The following TNFSF4 variants were observed in gnomAD, a reference collection of about 807,000 sequenced individuals.
TNFSF4 encodes the protein TNF superfamily member 4, also known as tumor necrosis factor ligand superfamily member 4.
In TNFSF4, 4 loss-of-function variants were observed where a neutral mutation model predicts 7.3. That is an observed-to-expected ratio of 0.55 (90% CI 0.27 to 1.25). The LOEUF (loss-of-function observed/expected upper bound fraction) is 1.25. TNFSF4 is among the 50% of genes most tolerant of loss of function. The pLI is 0.12. For missense variants in TNFSF4, 181 were observed against 208.8 expected, an observed-to-expected ratio of 0.87 and a Z score of 0.82; for synonymous variants, 76 against 83.7, an observed-to-expected ratio of 0.91 and a Z score of 0.50.
chr1:173,372,180 T>C, the TNFSF4 span, among the ~76,000 whole-genome samples: 2 of 152,226 alleles, frequency 1.3e-5, no homozygotes, highest in Non-Finnish European at 2.9e-5. Context: ...CAGCAAAGAA[T>C]GAAGACAGCC....
At chr1:173,219,231 C>T in the TNFSF4 span, among the ~76,000 whole-genome samples, 1 of 152,142 alleles carries the variant, frequency 6.6e-6, no homozygotes, top group African/African-American at 2.4e-5. Context: ...AGTTTTTGAA[C>T]ACTTTTCCAT....
the TNFSF4 span, among the ~76,000 whole-genome samples, chr1:173,426,926 G>A: frequency 6.6e-6 from 1 of 152,082 alleles, no homozygotes; most frequent in Non-Finnish European, 1.5e-5. Context: ...ATGCAAGACA[G>A]TCAGAGAGAG....
At chr1:173,365,098 A>T in the TNFSF4 span, among the ~76,000 whole-genome samples, 1 of 151,818 alleles carries the variant, frequency 6.6e-6, no homozygotes, top group African/African-American at 2.4e-5. Flanking sequence ...GGGAAAAAAA[A>T]AAAAGACAGA....
At chr1:173,248,475 A>AGAAG in the TNFSF4 span, among the ~76,000 whole-genome samples, 14 of 148,862 alleles carry the variant, frequency 9.4e-5, no homozygotes, top group East Asian at 9.8e-4. Context: ...AGAAAAAGAA[A>AGAAG]GAAGGAAGGA....
chr1:173,181,602 G>A (rs1002987259), downstream of TNFSF4, among the ~76,000 whole-genome samples: 1 of 152,146 alleles, frequency 6.6e-6, no homozygotes, highest in African/African-American at 2.4e-5. Context: ...CATAATGGTA[G>A]GATACTCTGA....
chr1:173,368,375 A>T, the TNFSF4 span, among the ~76,000 whole-genome samples: 1 of 152,218 alleles, frequency 6.6e-6, no homozygotes, highest in Non-Finnish European at 1.5e-5. Flanking sequence ...CACCAGCAGA[A>T]CCAACTCCAG....
At chr1:173,443,312 C>T in the TNFSF4 span, among the ~76,000 whole-genome samples, 1 of 152,016 alleles carries the variant, frequency 6.6e-6, no homozygotes, top group Non-Finnish European at 1.5e-5. Flanking sequence ...ATAAAATGAA[C>T]TGCTAATAAG....
chr1:173,278,496 T>C, the TNFSF4 span, among the ~76,000 whole-genome samples: 2 of 152,110 alleles, frequency 1.3e-5, no homozygotes, highest in South Asian at 2.1e-4. Context: ...ACCACCATCA[T>C]TTATGCCATT....
the TNFSF4 span, among the ~76,000 whole-genome samples, chr1:173,384,587 T>C: frequency 1.3e-5 from 2 of 152,292 alleles, no homozygotes; most frequent in Non-Finnish European, 2.9e-5. Flanking sequence ...CCAGAGCATA[T>C]GCAGTGGTCT....
At chr1:173,252,016 G>A in the TNFSF4 span, among the ~76,000 whole-genome samples, 1 of 152,022 alleles carries the variant, frequency 6.6e-6, no homozygotes. Flanking sequence ...TTGAATTTTA[G>A]GCAGGTTTTA....
At chr1:173,231,329 A>G in the TNFSF4 span, among the ~76,000 whole-genome samples, 1 of 152,236 alleles carries the variant, frequency 6.6e-6, no homozygotes, top group African/African-American at 2.4e-5. Flanking sequence ...ATATAAACAG[A>G]ACCAAAGGCA....
chr1:173,195,761 T>C (rs1188268186), intron 1 of TNFSF4, among the ~76,000 whole-genome samples: 1 of 152,220 alleles, frequency 6.6e-6, no homozygotes, highest in Non-Finnish European at 1.5e-5. Context: ...CTGCACTCAC[T>C]ATACCGGCCT....
chr1:173,406,458 G>A, the TNFSF4 span, among the ~76,000 whole-genome samples: 4 of 152,196 alleles, frequency 2.6e-5, no homozygotes, highest in South Asian at 4.1e-4. Context: ...CATAGCTAAC[G>A]AAGACATTAC....
chr1:173,334,441 T>C, the TNFSF4 span, among the ~76,000 whole-genome samples: 2 of 152,262 alleles, frequency 1.3e-5, no homozygotes, highest in African/African-American at 2.4e-5. Flanking sequence ...CTGCTTAAAC[T>C]GTGCAAATAA....
At chr1:173,420,382 GATT>G in the TNFSF4 span, among the ~76,000 whole-genome samples, 1 of 152,212 alleles carries the variant, frequency 6.6e-6, no homozygotes, top group Non-Finnish European at 1.5e-5. Flanking sequence ...AGCTGTGAGA[GATT>G]GAGAACTGAG....
At chr1:173,424,056 A>C in the TNFSF4 span, among the ~76,000 whole-genome samples, 1 of 151,978 alleles carries the variant, frequency 6.6e-6, no homozygotes, top group Admixed American at 6.6e-5. Context: ...AAGAACAAAC[A>C]CTCCCTCAAG....
the TNFSF4 span, among the ~76,000 whole-genome samples, chr1:173,286,505 G>A: frequency 6.6e-6 from 1 of 152,182 alleles, no homozygotes; most frequent in Non-Finnish European, 1.5e-5. Context: ...GGAAAGTACA[G>A]TCAATTCAAT....
At chr1:173,368,971 A>C in the TNFSF4 span, among the ~76,000 whole-genome samples, 1 of 152,140 alleles carries the variant, frequency 6.6e-6, no homozygotes, top group South Asian at 2.1e-4. Context: ...ACCCAGGCTC[A>C]CCAATAAGAA....
At chr1:173,326,399 C>T in the TNFSF4 span, among the ~76,000 whole-genome samples, 3 of 152,176 alleles carry the variant, frequency 2.0e-5, no homozygotes, top group African/African-American at 7.2e-5. Context: ...GACGAACCCA[C>T]AGCCAATATC....
Sources: allele counts gnomAD v4.1 joint callset (sites outside exome capture counted in the v4.1 genomes callset), GRCh38; gene constraint gnomAD v4.1.1; transcripts MANE v1.5; gene names NCBI Gene and HGNC (gene_info 2026-07-23, HGNC 2026-07-21).